Variants in LARS1 observed in about 807,000 individuals in gnomAD.
LARS1 encodes leucine--tRNA ligase, cytoplasmic.
In LARS1, 100 loss-of-function variants were observed where a neutral mutation model predicts 162.8. That is an observed-to-expected ratio of 0.61 (90% CI 0.52 to 0.73). LARS1 has a LOEUF of 0.73. Among genes scored for constraint, LARS1 ranks in the 30% least tolerant of loss-of-function variants. LARS1 has a pLI of 0.00. For synonymous variants in LARS1, 457 were observed against 462.8 expected, an observed-to-expected ratio of 0.99 and a Z score of 0.16; for missense variants, 1,258 against 1,408.9, an observed-to-expected ratio of 0.89 and a Z score of 1.71.
At position 146,122,430 on chromosome 5, in the gene LARS1, A is replaced by T. The variant is rs1751866967; in HGVS notation, c.3192+62T>A. On this transcript the variant is annotated intron_variant, in intron 30 of 31. Coordinates refer to ENST00000394434, the MANE Select transcript of LARS1 (RefSeq NM_020117.11). ...TTTTTTAAATGTGGGTTTAGATGTA[A>T]TGATCTCTAGGTCTCTTCTGGTTTT... 12 of 901,112 alleles carry T rather than the reference A, an allele frequency of 1.3e-5. No homozygotes were observed. In the South Asian group the frequency reaches 1.8e-4, roughly 14 times the overall value. 55.8% of individuals were successfully genotyped at this position (901,112 alleles called of 1,614,324 possible).
At chr5:146,150,606 GA>G (rs1323060212) in intron 14 of LARS1, among the ~76,000 whole-genome samples, 1 of 131,384 alleles carries the variant, frequency 7.6e-6, no homozygotes, top group Non-Finnish European at 1.6e-5. Flanking sequence ...CAGCCTGGGC[GA>G]CACAGCAAGA....
rs769913524 is a variant in LARS1 at position 146,122,565 on chromosome 5, A to G, written c.3119T>C (p.Phe1040Ser). 1.9e-5 allele frequency: 30 copies of G among 1,608,960 alleles called. 1 individual carries two copies. In the South Asian group the frequency reaches 3.3e-4, roughly 18 times the overall value. Residue 1040 changes from phenylalanine (F) to serine (S), a missense_variant, in exon 30 of 32, where the codon TTT (phenylalanine) becomes TCT (serine). Transcript: ENST00000394434. Reference protein sequence around the residue: ...SLELEHIEVKFASEAEDKIRE... With the variant: ...SLELEHIEVKSASEAEDKIRE... Reference sequence around the variant, plus strand: ...GATTTTATCTTCTGCTTCGGAGGCAAACTTGACTTCTATGTGTTCTAGCTA... The same window carrying G: ...GATTTTATCTTCTGCTTCGGAGGCAGACTTGACTTCTATGTGTTCTAGCTA...
intron 6 of LARS1, among the ~76,000 whole-genome samples, chr5:146,161,753 CAA>C (rs202231403): frequency 3.1e-5 from 4 of 130,204 alleles, no homozygotes; most frequent in Admixed American, 7.7e-5. Context: ...AACTCCATCT[CAA>C]AAAAAAAAAA....
intron 31 of LARS1, among the ~76,000 whole-genome samples, chr5:146,118,065 C>T (rs1580999353): frequency 6.6e-6 from 1 of 152,314 alleles, no homozygotes; most frequent in Non-Finnish European, 1.5e-5. Context: ...GATATCTGTA[C>T]TCCCATGTTT....
rs2126433614 is a variant in LARS1 at position 146,133,004 on chromosome 5, T to C, written c.2290A>G (p.Ile764Val). 4 of 1,614,066 alleles carry C rather than the reference T, an allele frequency of 2.5e-6. No individual in the cohort carries two copies. The highest frequency in any genetic ancestry group is 2.5e-6 in the Non-Finnish European group (3 of 1,179,944). The change falls in exon 23 of 32, where the codon ATT becomes GTT. Residue 764 changes from isoleucine (I) to valine (V), a missense_variant. By Grantham distance (29) the Ile-to-Val change is conservative (BLOSUM62 3). Transcript: ENST00000394434. Reference sequence around the variant, plus strand: ...TCTACCCAGGTGTACAGACGGAGAATACCTGCATCTGCCATGGCTTCCACA... The same window carrying C: ...TCTACCCAGGTGTACAGACGGAGAACACCTGCATCTGCCATGGCTTCCACA... The part of the protein sequence containing the change: ...NFVEAMADAG[I>V]LRLYTWVEWV...
intron 12 of LARS1, 31 bp downstream of exon 12, chr5:146,153,703 C>A: frequency 1.3e-6 from 2 of 1,573,644 alleles, no homozygotes; most frequent in Non-Finnish European, 1.7e-6. Context: ...ATGGTGAGGA[C>A]GAAATACAAA....
chr5:146,165,748 C>G (rs976662430), intron 5 of LARS1, among the ~76,000 whole-genome samples: 1 of 151,674 alleles, frequency 6.6e-6, no homozygotes, highest in Non-Finnish European at 1.5e-5. Context: ...AAAAGAATTA[C>G]ACACAAACAC....
chr5:146,165,548 A>G (rs1204454390), intron 5 of LARS1, among the ~76,000 whole-genome samples: 3 of 152,090 alleles, frequency 2.0e-5, no homozygotes, highest in African/African-American at 4.8e-5. Flanking sequence ...ACAAAAAAAA[A>G]AGTAAATTTT....
rs1239933839 is a variant in LARS1, at chr5:146,123,998, A to C, written c.3080T>G (p.Leu1027Arg). ...CCCTCTTACCTCAAGCGAATTAGTC[A>C]GATAGACTATATTCTCCATAAGCAC... ...KAVLMENIVY[L>R]TNSLELEHIE... The change falls in exon 29 of 32, where the codon CTG becomes CGG. Residue 1027 changes from leucine to arginine, a missense_variant. By Grantham distance (102) the Leu-to-Arg change is moderately radical (BLOSUM62 -2). Transcript: ENST00000394434. 1 of 1,600,546 alleles carries C rather than the reference A, an allele frequency of 6.2e-7. No homozygotes were observed. Among genetic ancestry groups the C allele is most frequent in the African/African-American group, 1.3e-5 (1 of 74,730 alleles).
At chr5:146,141,925 C>A (rs936533262) in intron 20 of LARS1, among the ~76,000 whole-genome samples, 1 of 152,144 alleles carries the variant, frequency 6.6e-6, no homozygotes, top group Non-Finnish European at 1.5e-5. Context: ...CTTTGGGAGG[C>A]CAAGGCGGGT....
rs534004388 is a variant in LARS1, at chr5:146,140,856, TAC to T, written c.2091-597_2091-596del. On this transcript the variant is annotated intron_variant, in intron 20 of 31. Transcript: ENST00000394434. ...ACATATAAATATACACACATATATA[TAC>T]ACACACACACATATATATACACACA... 7.2e-3 allele frequency among the ~76,000 whole-genome samples: 1,087 copies of T among 151,956 alleles called. 5 individuals are homozygous for T. The highest frequency in any genetic ancestry group is 0.02 in the Middle Eastern group (6 of 294).
chr5:146,142,977 A>G lies in LARS1; in HGVS notation c.1985T>C (p.Phe662Ser). Residue 662 changes from phenylalanine to serine, a missense_variant, in exon 20 of 32, where the codon TTT becomes TCT. Coordinates refer to ENST00000394434, the MANE Select transcript of LARS1 (RefSeq NM_020117.11). ...KEKLDQLKQE[F>S]EFWYPVDLRV... ...AAGATCAACAGGATACCAGAATTCA[A>G]ACTCCTGCTTTAACTGATCTAATTT... is the stretch of plus-strand genomic sequence containing the variant. 1 of 1,614,052 alleles carries G rather than the reference A, an allele frequency of 6.2e-7. No individual in the cohort carries two copies. The highest frequency in any genetic ancestry group is 8.5e-7 in the Non-Finnish European group (1 of 1,179,912).
At chr5:146,171,851 G>A in intron 4 of LARS1, 59 bp downstream of exon 4, 1 of 1,195,244 alleles carries the variant, frequency 8.4e-7, no homozygotes, top group South Asian at 1.3e-5. Flanking sequence ...CTCTTGAATT[G>A]GGTATTACTA....
At chr5:146,128,575 T>C in intron 27 of LARS1, 97 bp downstream of exon 27, 1 of 690,126 alleles carries the variant, frequency 1.4e-6, no homozygotes, top group Non-Finnish European at 2.3e-6. Context: ...AAGCTGCCTA[T>C]CTTTCTTCTC....
chr5:146,181,851 T>C (rs1295998549), intron 1 of LARS1, among the ~76,000 whole-genome samples: 9 of 56,284 alleles, frequency 1.6e-4, no homozygotes, highest in African/African-American at 6.2e-4. Context: ...ATTTTTTCTT[T>C]TTTTTTTTTT....
At chr5:146,176,278 C>A (rs1288330632) in intron 2 of LARS1, among the ~76,000 whole-genome samples, 2 of 151,494 alleles carry the variant, frequency 1.3e-5, no homozygotes, top group Non-Finnish European at 2.9e-5. Context: ...ATGGTAAAAC[C>A]CCGTCTCTAC....
At chr5:146,125,607 T>G (rs1752010024) in intron 28 of LARS1, among the ~76,000 whole-genome samples, 1 of 152,136 alleles carries the variant, frequency 6.6e-6, no homozygotes, top group African/African-American at 2.4e-5. Context: ...ATCCTCATTT[T>G]ATGGATGAAA....
intron 14 of LARS1, among the ~76,000 whole-genome samples, chr5:146,151,235 C>T (rs1581052284): frequency 6.6e-6 from 1 of 152,014 alleles, no homozygotes. Context: ...AGAAATGTAA[C>T]CAATTCTTGG....
intron 13 of LARS1, among the ~76,000 whole-genome samples, chr5:146,152,606 C>T (rs1753345674): frequency 6.6e-6 from 1 of 152,158 alleles, no homozygotes; most frequent in Admixed American, 6.6e-5. Context: ...CCTGCTGGTC[C>T]ATGGAAAAAT....
Sources: allele counts gnomAD v4.1 joint callset (sites outside exome capture counted in the v4.1 genomes callset), GRCh38; gene constraint gnomAD v4.1.1; transcripts MANE v1.5; gene names NCBI Gene and HGNC (gene_info 2026-07-23, HGNC 2026-07-21).